The following RAB6B variants were observed in gnomAD, a reference collection of about 807,000 sequenced individuals.
RAB6B encodes the protein ras-related protein Rab-6B.
RAB6B carries 7 observed loss-of-function variants against 31.2 expected under a neutral mutation model. The ratio of observed to expected loss-of-function variants is 0.22; its 90% CI spans 0.13 to 0.42. RAB6B has a LOEUF of 0.42. Among genes scored for constraint, RAB6B ranks in the 10% least tolerant of loss-of-function variants. The probability of loss-of-function intolerance (pLI) is 1.00; values close to 1 mark genes in which losing one functional copy is unlikely to be tolerated. For missense variants in RAB6B, 149 were observed against 280.6 expected (o/e 0.53, Z 3.35); for synonymous variants, 105 against 104.9 (o/e 1.00, Z -0.01).
At chr3:133,876,190 C>T (rs1273963837) in intron 1 of RAB6B, among the ~76,000 whole-genome samples, 1 of 152,180 alleles carries the variant, frequency 6.6e-6, no homozygotes, top group Non-Finnish European at 1.5e-5. Flanking sequence ...ACGTAAGACT[C>T]TACCAGATTC....
intron 7 of RAB6B, among the ~76,000 whole-genome samples, chr3:133,832,997 A>G (rs866946846): frequency 1.3e-5 from 2 of 152,154 alleles, no homozygotes; most frequent in Non-Finnish European, 2.9e-5. Flanking sequence ...TGAAACGATC[A>G]CCACTCACCC....
At chr3:133,855,824 C>A (rs1936067423) in intron 2 of RAB6B, among the ~76,000 whole-genome samples, 1 of 152,218 alleles carries the variant, frequency 6.6e-6, no homozygotes. Flanking sequence ...CCATTGGCAA[C>A]CTCCTACTCC....
intron 1 of RAB6B, among the ~76,000 whole-genome samples, chr3:133,883,713 TC>T (rs1379200081): frequency 6.6e-6 from 1 of 152,226 alleles, no homozygotes; most frequent in Non-Finnish European, 1.5e-5. Context: ...CAGTGTTTAT[TC>T]CCCCCACTCA....
At chr3:133,856,883 G>C (rs547039617) in intron 2 of RAB6B, among the ~76,000 whole-genome samples, 1 of 152,098 alleles carries the variant, frequency 6.6e-6, no homozygotes, top group East Asian at 1.9e-4. Flanking sequence ...CGACATAAGA[G>C]TGTCACCTCA....
intron 1 of RAB6B, among the ~76,000 whole-genome samples, chr3:133,873,115 G>A (rs963335869): frequency 6.6e-6 from 1 of 152,204 alleles, no homozygotes; most frequent in Non-Finnish European, 1.5e-5. Context: ...GCCCACTACA[G>A]CAAGAAGGAA....
intron 1 of RAB6B, among the ~76,000 whole-genome samples, chr3:133,868,611 A>G (rs72976376): frequency 9.7e-4 from 148 of 152,360 alleles, no homozygotes; most frequent in African/African-American, 3.5e-3. Context: ...TAAGCAGGCA[A>G]ATCATTATTG....
chr3:133,839,138 C>G (rs1935783796), intron 5 of RAB6B, among the ~76,000 whole-genome samples: 1 of 152,246 alleles, frequency 6.6e-6, no homozygotes, highest in Non-Finnish European at 1.5e-5. Flanking sequence ...ACTTCACAGG[C>G]ACAGACAGTT....
intron 7 of RAB6B, among the ~76,000 whole-genome samples, chr3:133,830,064 T>G (rs1252456667): frequency 6.6e-6 from 1 of 152,240 alleles, no homozygotes; most frequent in East Asian, 1.9e-4. Context: ...TTTTGTTCTC[T>G]CTACCCTAGT....
chr3:133,879,595 G>T (rs1315285085), intron 1 of RAB6B, among the ~76,000 whole-genome samples: 2 of 152,178 alleles, frequency 1.3e-5, no homozygotes, highest in Non-Finnish European at 2.9e-5. Flanking sequence ...GCCCTGGTAT[G>T]GTAGGAACTC....
intron 1 of RAB6B, among the ~76,000 whole-genome samples, chr3:133,876,836 T>C (rs760312794): frequency 6.6e-5 from 10 of 152,222 alleles, no homozygotes; most frequent in Non-Finnish European, 1.2e-4. Flanking sequence ...AAATCAAGGC[T>C]GATAACCAGA....
At chr3:133,889,344 T>C (rs1936597195) in intron 1 of RAB6B, among the ~76,000 whole-genome samples, 2 of 142,758 alleles carry the variant, frequency 1.4e-5, no homozygotes, top group Non-Finnish European at 3.0e-5. Flanking sequence ...ATAGACTGAT[T>C]TTAGGGATAG....
At chr3:133,880,086 A>G (rs565389462) in intron 1 of RAB6B, among the ~76,000 whole-genome samples, 8 of 152,344 alleles carry the variant, frequency 5.3e-5, no homozygotes, top group African/African-American at 1.7e-4. Context: ...GTGAGTATGC[A>G]TAGTTGTAGA....
At chr3:133,873,695 C>T (rs929362960) in intron 1 of RAB6B, among the ~76,000 whole-genome samples, 15 of 152,112 alleles carry the variant, frequency 9.9e-5, no homozygotes, top group African/African-American at 2.7e-4. Flanking sequence ...TAAAATGTGA[C>T]GTTTTAATAT....
intron 1 of RAB6B, among the ~76,000 whole-genome samples, chr3:133,882,329 T>C (rs1484297280): frequency 1.3e-5 from 2 of 152,244 alleles, no homozygotes; most frequent in Non-Finnish European, 2.9e-5. Context: ...GAATGCCACC[T>C]ATCACCTTTG....
At chr3:133,834,756 T>C in intron 6 of RAB6B, 115 bp from the exon 7 acceptor site, 1 of 982,916 alleles carries the variant, frequency 1.0e-6, no homozygotes, top group Non-Finnish European at 1.6e-6. Flanking sequence ...TACTCTCCCA[T>C]CTGCCCAGCG....
At chr3:133,857,326 A>T (rs950068150) in intron 2 of RAB6B, among the ~76,000 whole-genome samples, 1 of 151,680 alleles carries the variant, frequency 6.6e-6, no homozygotes, top group Non-Finnish European at 1.5e-5. Flanking sequence ...TTTCCAGCTT[A>T]AAAAAAAGAG....
chr3:133,888,549 A>G (rs1041776111), intron 1 of RAB6B, among the ~76,000 whole-genome samples: 7 of 152,234 alleles, frequency 4.6e-5, no homozygotes, highest in Non-Finnish European at 8.8e-5. Flanking sequence ...TGGCTGGCCC[A>G]GAGCATGTGA....
chr3:133,838,268 G>A lies in RAB6B; in HGVS notation c.402-9C>T. On this transcript the variant is annotated splice_polypyrimidine_tract_variant and intron_variant, in intron 5 of 7. Coordinates refer to ENST00000285208, the MANE Select transcript of RAB6B (RefSeq NM_016577.4). ...CCTCGATGGTTATCTGCCTAGAGAT[G>A]AGGGGAAGGGGGGAAATCAGCTCAG... is the stretch of plus-strand genomic sequence containing the variant. 1 of 1,611,652 alleles carries A rather than the reference G, an allele frequency of 6.2e-7. No individual in the cohort carries two copies. Among genetic ancestry groups the A allele is most frequent in the Non-Finnish European group, 8.5e-7 (1 of 1,177,758 alleles).
intron 2 of RAB6B, among the ~76,000 whole-genome samples, chr3:133,854,078 T>C (rs1936039924): frequency 1.3e-5 from 2 of 152,204 alleles, no homozygotes; most frequent in Admixed American, 6.5e-5. Context: ...TAAGGCACAC[T>C]GGCAAATAAA....
Sources: gnomAD v4.1 joint callset for allele counts (sites outside exome capture counted in the v4.1 genomes callset) on GRCh38, gnomAD v4.1.1 for gene constraint, MANE v1.5 for transcripts, NCBI Gene and HGNC (gene_info 2026-07-23, HGNC 2026-07-21) for gene names.